The following NOVA2 variants were observed in gnomAD, a reference collection of about 807,000 sequenced individuals.
NOVA2 encodes the protein RNA-binding protein Nova-2.
In NOVA2, 9 loss-of-function variants were observed where a neutral mutation model predicts 22.5. The observed-to-expected ratio is 0.40, with a 90% CI of 0.24 to 0.70. The LOEUF (loss-of-function observed/expected upper bound fraction) is 0.70, where lower values mean the gene tolerates loss of function less well. NOVA2 is among the 30% of genes least tolerant of loss of function. The pLI is 0.38. For synonymous variants in NOVA2, 318 were observed against 335.2 expected, an observed-to-expected ratio of 0.95 and a Z score of 0.56; for missense variants, 383 against 682.8, an observed-to-expected ratio of 0.56 and a Z score of 4.89.
chr19:45,967,503 C>T (rs1968182220), intron 1 of NOVA2: 1 of 152,284 alleles, frequency 6.6e-6, no homozygotes, highest in Non-Finnish European at 1.5e-5. Flanking sequence ...GCAGCTCCCT[C>T]TACCCGATGT....
At chr19:45,953,469 T>G (rs958954092) in intron 3 of NOVA2, among the ~76,000 whole-genome samples, 1 of 152,062 alleles carries the variant, frequency 6.6e-6, no homozygotes. Flanking sequence ...GACAATGGGA[T>G]GAGGTGGAAG....
rs1017689526 is a variant in NOVA2 at position 45,962,492 on chromosome 19, C to T, written c.86-1339G>A. On this transcript the variant is annotated intron_variant, in intron 1 of 3. Transcript: ENST00000263257. ...TTCAAATCCAATTCTGATTCAGTCTCCTCCCATCATTGCTTAACACCCTCC... is the reference window on the plus strand; with the variant it reads ...TTCAAATCCAATTCTGATTCAGTCTTCTCCCATCATTGCTTAACACCCTCC... 15 of 152,688 alleles carry T rather than the reference C, an allele frequency of 9.8e-5. 1 individual carries two copies. Among genetic ancestry groups the T allele is most frequent in the African/African-American group, 3.6e-4 (15 of 41,434 alleles). The allele number at this position is 152,688 out of a possible 1,614,324, so 9.5% of individuals were successfully genotyped here. A position where few individuals can be genotyped will look rare whatever the true frequency, so the allele number is the denominator to read the frequency against.
chr19:45,947,081 T>C (rs972944123), intron 3 of NOVA2, among the ~76,000 whole-genome samples: 6 of 152,198 alleles, frequency 3.9e-5, no homozygotes, highest in African/African-American at 1.2e-4. Context: ...CGCTTTATTT[T>C]TCTTCATAGT....
chr19:45,940,463 G>A lies in NOVA2; in HGVS notation c.879C>T (p.Thr293=). The part of the protein sequence containing the change: ...LNTLASYGYN[T]NSLGLGLNSA... ...AGTTGAGGCCCAGGCCCAGGGAGTT[G>A]GTGTTGTAGCCGTAACTTGCCAGCG... is the stretch of plus-strand genomic sequence containing the variant. Residue 293 remains threonine, a synonymous_variant, in exon 4 of 4, where the codon ACC becomes ACT. Coordinates refer to ENST00000263257, the MANE Select transcript of NOVA2 (RefSeq NM_002516.4). The A allele has an allele frequency of 2.0e-6, 3 of 1,534,790 alleles. No individual in the cohort carries two copies. The highest frequency in any genetic ancestry group is 2.6e-6 in the Non-Finnish European group (3 of 1,141,338).
Position 45,941,309 on chromosome 19 carries a change from A to AT in NOVA2, c.397-365_397-364insA, listed in dbSNP as rs1491549589. Among the ~76,000 whole-genome samples, 543 of 129,802 alleles carry AT rather than the reference A, an allele frequency of 4.2e-3. 1 individual carries two copies. Among genetic ancestry groups the AT allele is most frequent in the African/African-American group, 0.015 (513 of 33,454 alleles). The allele number at this position is 129,802 out of a possible 152,430, so 85.2% of individuals were successfully genotyped here. A position where few individuals can be genotyped will look rare whatever the true frequency, so the allele number is the denominator to read the frequency against. The stretch of plus-strand genomic sequence containing the variant: ...ACCCTGTCTCAAAATAAAATAAAAT[A>AT]ATATATATATATATATATATAATTT... On this transcript the variant is annotated intron_variant, in intron 3 of 3. Transcript: ENST00000263257.
chr19:45,947,545 C>T (rs1967853487), intron 3 of NOVA2, among the ~76,000 whole-genome samples: 1 of 151,646 alleles, frequency 6.6e-6, no homozygotes, highest in African/African-American at 2.4e-5. Context: ...GCAATCTCAG[C>T]TCACTGCAAC....
intron 1 of NOVA2, among the ~76,000 whole-genome samples, chr19:45,964,154 AT>A (rs1009852816): frequency 1.5e-5 from 2 of 137,514 alleles, no homozygotes; most frequent in Admixed American, 7.4e-5. Flanking sequence ...AAGGAAGCCT[AT>A]TTTCTTTTTT....
chr19:45,940,496 C>G lies in NOVA2; in HGVS notation c.846G>C (p.Ala282=), dbSNP rs1404314586. 6.6e-7 allele frequency: 1 copy of G among 1,525,380 alleles called. No individual in the cohort carries two copies. The highest frequency in any genetic ancestry group is 8.8e-7 in the Non-Finnish European group (1 of 1,136,934). The allele number at this position is 1,525,380 out of a possible 1,614,324, so 94.5% of individuals were successfully genotyped here. A position where few individuals can be genotyped will look rare whatever the true frequency, so the allele number is the denominator to read the frequency against. The change falls in exon 4 of 4, where the codon GCG becomes GCC. Residue 282 remains alanine (A), a synonymous_variant. Coordinates refer to ENST00000263257, the MANE Select transcript of NOVA2 (RefSeq NM_002516.4). ...AGCCGTAACTTGCCAGCGTGTTAAGCGCCGTGCTGATGGCCAGCAGGTCGG... is the reference window on the plus strand; with the variant it reads ...AGCCGTAACTTGCCAGCGTGTTAAGGGCCGTGCTGATGGCCAGCAGGTCGG... ...SGTDLLAIST[A]LNTLASYGYN...
intron 1 of NOVA2, among the ~76,000 whole-genome samples, chr19:45,965,909 C>G (rs974318568): frequency 4.6e-5 from 7 of 152,150 alleles, no homozygotes; most frequent in African/African-American, 1.7e-4. Context: ...CGGATGGTCC[C>G]AGGCACATAG....
chr19:45,965,545 A>G (rs1968157005), intron 1 of NOVA2, among the ~76,000 whole-genome samples: 2 of 152,162 alleles, frequency 1.3e-5, no homozygotes, highest in Non-Finnish European at 2.9e-5. Context: ...CCTGGCCAAC[A>G]TGGTGAAACT....
chr19:45,953,171 C>G (rs112203029), intron 3 of NOVA2, among the ~76,000 whole-genome samples: 1 of 152,198 alleles, frequency 6.6e-6, no homozygotes, highest in African/African-American at 2.4e-5. Context: ...ACCGGACAGG[C>G]CCGGGAAGCG....
rs1378081966 is a variant in NOVA2, at chr19:45,934,105, A to C, written c.*5758T>G. On this transcript the variant is annotated 3_prime_UTR_variant, in exon 4 of 4. Transcript: ENST00000263257. ...GGAGTGGGACAGCAGGCAGGGGGCC[A>C]GCCTGGGGCCTGGGCCTTTTAATCT... The C allele has an allele frequency of 6.6e-6, 1 of 152,560 alleles. No homozygotes were observed. The highest frequency in any genetic ancestry group is 1.9e-4 in the East Asian group (1 of 5,204). 9.5% of individuals were successfully genotyped at this position (152,560 alleles called of 1,614,324 possible). A position where few individuals can be genotyped will look rare whatever the true frequency, so the allele number is the denominator to read the frequency against.
rs187948059 is a variant in NOVA2, at chr19:45,949,869, T to G, written c.396+3911A>C. Among the ~76,000 whole-genome samples the G allele has an allele frequency of 6.1e-3, 921 of 150,334 alleles. 27 individuals carry two copies. The highest frequency in any genetic ancestry group is 0.05 in the Admixed American group (742 of 14,898). Reference sequence around the variant, plus strand: ...GATTCTCCTGCCTCAGCCGCTGGGGTAGCTGGGATTACAGGCGCCTGCCAC... The same window carrying G: ...GATTCTCCTGCCTCAGCCGCTGGGGGAGCTGGGATTACAGGCGCCTGCCAC... On this transcript the variant is annotated intron_variant, in intron 3 of 3. Transcript: ENST00000263257.
chr19:45,960,710 G>C (rs1336379597), intron 2 of NOVA2, among the ~76,000 whole-genome samples: 4 of 152,098 alleles, frequency 2.6e-5, no homozygotes, highest in African/African-American at 9.7e-5. Context: ...CCCCACCCTC[G>C]CTCCTCCAAC....
At chr19:45,953,745 A>C (rs759407580) in intron 3 of NOVA2, 35 bp downstream of exon 3, 3 of 1,612,556 alleles carry the variant, frequency 1.9e-6, no homozygotes, top group Non-Finnish European at 2.5e-6. Flanking sequence ...GAATGTCAAC[A>C]GCTTTACAGC....
chr19:45,961,277 T>G (rs2146422866), intron 1 of NOVA2, 124 bp from the exon 2 acceptor site: 1 of 617,952 alleles, frequency 1.6e-6, no homozygotes, highest in Non-Finnish European at 2.8e-6. Flanking sequence ...ATAATGATCT[T>G]CATTCACTCA....
rs759153910 is a variant in NOVA2, at chr19:45,940,120, G to C, written c.1222C>G (p.Leu408Val). 2 of 1,612,714 alleles carry C rather than the reference G, an allele frequency of 1.2e-6. No homozygotes were observed. The highest frequency in any genetic ancestry group is 2.2e-5 in the South Asian group (2 of 91,088). The change falls in exon 4 of 4, where the codon CTG becomes GTG. Residue 408 changes from leucine to valine, a missense_variant. By Grantham distance (32) the Leu-to-Val change is conservative (BLOSUM62 1). Around this residue, in one of 2 missense-constraint regions of NOVA2, gnomAD observed 349 missense variants for 578.1 expected, o/e 0.60. Coordinates refer to ENST00000263257, the MANE Select transcript of NOVA2 (RefSeq NM_002516.4). ...EKLAAESAKE[L>V]VEIAVPENLV... ...TTCTCAGGCACCGCAATCTCCACCA[G>C]CTCCTTGGCACTCTCAGCCGCCAGC...
At chr19:45,944,728 A>G (rs1352491697) in intron 3 of NOVA2, among the ~76,000 whole-genome samples, 1 of 152,208 alleles carries the variant, frequency 6.6e-6, no homozygotes, top group Non-Finnish European at 1.5e-5. Flanking sequence ...AAATGTCCAG[A>G]ATATGCAGAT....
chr19:45,939,773 C>T lies in NOVA2; in HGVS notation c.*90G>A. 1 of 1,537,684 alleles carries T rather than the reference C, an allele frequency of 6.5e-7. No homozygotes were observed. The highest frequency in any genetic ancestry group is 8.8e-7 in the Non-Finnish European group (1 of 1,130,282). Reference sequence around the variant, plus strand: ...CCATCCCAAGAGGAGCAGGACTACACCAAGCTGAGGTCAGGAGTTGGGGGG... The same window carrying T: ...CCATCCCAAGAGGAGCAGGACTACATCAAGCTGAGGTCAGGAGTTGGGGGG... On this transcript the variant is annotated 3_prime_UTR_variant, in exon 4 of 4. Transcript: ENST00000263257.
Sources: allele counts gnomAD v4.1 joint callset (sites outside exome capture counted in the v4.1 genomes callset), GRCh38; gene constraint gnomAD v4.1.1; regional missense constraint gnomAD v4.1.1; transcripts MANE v1.5; gene names NCBI Gene and HGNC (gene_info 2026-07-23, HGNC 2026-07-21).